The following TTN variants were observed in gnomAD, a reference collection of about 807,000 sequenced individuals.
TTN encodes the protein connectin.
In TTN, 1,525 loss-of-function variants were observed where a neutral mutation model predicts 3,223.0. That is an observed-to-expected ratio of 0.47 (90% CI 0.45 to 0.49). TTN has a LOEUF of 0.49. Among genes scored for constraint, TTN ranks in the 20% least tolerant of loss-of-function variants. The probability of loss-of-function intolerance (pLI) is 0.00; values close to 1 mark genes in which losing one functional copy is unlikely to be tolerated. For missense variants in TTN, 40,786 were observed against 43,424.0 expected (o/e 0.94, Z 5.40); for synonymous variants, 14,094 against 15,161.0 (o/e 0.93, Z 5.17).
chr2:178,735,738 T>C lies in TTN; in HGVS notation c.14708A>G (p.Lys4903Arg). Residue 4903 changes from lysine to arginine, a missense_variant, in exon 50 of 363, where the codon AAG (lysine) becomes AGG (arginine). Physicochemically the swap from Lys to Arg is conservative, Grantham distance 26. Coordinates refer to ENST00000589042, the MANE Select transcript of TTN (RefSeq NM_001267550.2). ...ELEPVQSAINKKVHLECQVDE... is the reference protein window; with the variant it reads ...ELEPVQSAINRKVHLECQVDE... ...TACTTGGCACTCAAGGTGGACCTTC[T>C]TATTGATAGCGGACTGCACAGGCTC... 6.2e-7 allele frequency: 1 copy of C among 1,613,830 alleles called. No individual in the cohort carries two copies. The highest frequency in any genetic ancestry group is 8.5e-7 in the Non-Finnish European group (1 of 1,179,812).
At chr2:178,550,870 T>C in intron 336 of TTN, 97 bp downstream of exon 336, 1 of 1,157,316 alleles carries the variant, frequency 8.6e-7, no homozygotes, top group Admixed American at 2.6e-5. Flanking sequence ...CCTTGGGTAA[T>C]TTGTTTCTGT....
In TTN at chr2:178,584,766, G is replaced by T. The variant is rs907125933; in HGVS notation, c.64875C>A (p.Ile21625=). ...TKTSCRVGKL[I]PGQEYIFRVR... Reference sequence around the variant, plus strand: ...CCCGGAAGATGTACTCCTGGCCTGGGATCAGCTTTCCAACCCTGCAGGAAG... The same window carrying T: ...CCCGGAAGATGTACTCCTGGCCTGGTATCAGCTTTCCAACCCTGCAGGAAG... The change falls in exon 310 of 363, where the codon ATC becomes ATA. Residue 21625 remains isoleucine (I), a synonymous_variant. Coordinates refer to ENST00000589042, the MANE Select transcript of TTN (RefSeq NM_001267550.2). The T allele has an allele frequency of 1.2e-6, 2 of 1,613,464 alleles. No individual in the cohort carries two copies. Among genetic ancestry groups the T allele is most frequent in the Non-Finnish European group, 1.7e-6 (2 of 1,179,560 alleles).
In TTN at chr2:178,549,200, A is replaced by G. The variant is rs976337472; in HGVS notation, c.92426T>C (p.Ile30809Thr). 6.2e-7 allele frequency: 1 copy of G among 1,613,810 alleles called. No individual in the cohort carries two copies. Among genetic ancestry groups the G allele is most frequent in the Non-Finnish European group, 8.5e-7 (1 of 1,179,834 alleles). The part of the protein sequence containing the change: ...NAAGVGPASG[I>T]SRLIKCREPV... The stretch of plus-strand genomic sequence containing the variant: ...CTCTCTACATTTAATGAGTCTTGAG[A>G]TGCCACTTGCAGGTCCAACTCCTGC... Residue 30809 changes from isoleucine (I) to threonine (T), a missense_variant, in exon 339 of 363, where the codon ATC (isoleucine) becomes ACC (threonine). Physicochemically the swap from Ile to Thr is moderately conservative, Grantham distance 89. Coordinates refer to ENST00000589042, the MANE Select transcript of TTN (RefSeq NM_001267550.2).
chr2:178,632,542 G>C lies in TTN; in HGVS notation c.43464C>G (p.Gly14488=). The C allele has an allele frequency of 6.2e-7, 1 of 1,613,176 alleles. No homozygotes were observed. The highest frequency in any genetic ancestry group is 8.5e-7 in the Non-Finnish European group (1 of 1,179,522). ...MFEAEDKHTS[G]KLIIEGIRLK... is the part of the protein sequence containing the mutation. The stretch of plus-strand genomic sequence containing the variant: ...ACTATTTACCTTCAATGATCAGTTT[G>C]CCACTTGTGTGCTTATCTTCAGCTT... The change falls in exon 235 of 363, where the codon GGC becomes GGG. Residue 14488 remains glycine (G), a synonymous_variant. Coordinates refer to ENST00000589042, the MANE Select transcript of TTN (RefSeq NM_001267550.2).
intron 120 of TTN, 54 bp from the exon 121 acceptor site, chr2:178,692,153 A>T: frequency 3.4e-6 from 5 of 1,488,410 alleles, no homozygotes; most frequent in Middle Eastern, 1.7e-4. Flanking sequence ...ACCTTCTGAG[A>T]CATCTAAGAT....
At position 178,527,573 on chromosome 2, in the gene TTN, C is replaced by T; in HGVS notation, c.107553G>A (p.Met35851Ile). Residue 35851 changes from methionine to isoleucine, a missense_variant, in exon 362 of 363, where the codon ATG becomes ATA. Coordinates refer to ENST00000589042, the MANE Select transcript of TTN (RefSeq NM_001267550.2). ...GCATGGAGGACATGCTTTGGGCAGA[C>T]ATGCTTGCAAATTTCATCTCAGTCA... ...SSMTEMKFAS[M>I]SAQSMSSMQE... is the part of the protein sequence containing the mutation. The T allele has an allele frequency of 6.2e-7, 1 of 1,614,016 alleles. No homozygotes were observed. Among genetic ancestry groups the T allele is most frequent in the Non-Finnish European group, 8.5e-7 (1 of 1,179,882 alleles).
In TTN at chr2:178,530,686, C is replaced by G. The variant is rs1553484229; in HGVS notation, c.105929G>C (p.Ser35310Thr). ...IAKLTCVVES[S>T]VLRAKEVTWY... The stretch of plus-strand genomic sequence containing the variant: ...GGTGACCTCTTTTGCCCTTAATACA[C>G]TGCTTTCAACCACACAGGTCAGTTT... The change falls in exon 358 of 363, where the codon AGT (serine) becomes ACT (threonine). Residue 35310 changes from serine (S) to threonine (T), a missense_variant. Transcript: ENST00000589042. 6.2e-7 allele frequency: 1 copy of G among 1,613,970 alleles called. No individual in the cohort carries two copies. Among genetic ancestry groups the G allele is most frequent in the Non-Finnish European group, 8.5e-7 (1 of 1,179,884 alleles).
intron 7 of TTN, 133 bp downstream of exon 7, chr2:178,794,789 C>T (rs1425186245): frequency 1.1e-5 from 14 of 1,259,668 alleles, no homozygotes; most frequent in Non-Finnish European, 1.5e-5. Flanking sequence ...TGAATTTGGT[C>T]TTCAGTTGCT....
rs970090029 is a variant in TTN, at chr2:178,745,448, T to G, written c.11312-3527A>C. 4 of 1,473,712 alleles carry G rather than the reference T, an allele frequency of 2.7e-6. No individual in the cohort carries two copies. The African/African-American group carries it at 4.3e-5, about 16-fold the overall frequency. 91.3% of individuals were successfully genotyped at this position (1,473,712 alleles called of 1,614,324 possible). On this transcript the variant is annotated intron_variant, in intron 47 of 362. Transcript: ENST00000589042. ...AGATGAGATTTCTACATAGAGATTA[T>G]TTCTTTAGGGGTCTCCAAGGTAATG...
Position 178,581,927 on chromosome 2 carries a change from C to T in TTN, c.66442G>A (p.Ala22148Thr), listed in dbSNP as rs794727433. The T allele has an allele frequency of 9.9e-6, 16 of 1,613,054 alleles. No individual in the cohort carries two copies. The East Asian group carries it at 2.0e-4, about 20-fold the overall frequency. The change falls in exon 315 of 363, where the codon GCT becomes ACT. Residue 22148 changes from alanine to threonine, a missense_variant. By Grantham distance (58) the Ala-to-Thr change is moderately conservative. Coordinates refer to ENST00000589042, the MANE Select transcript of TTN (RefSeq NM_001267550.2). The part of the protein sequence containing the change: ...PGKPSDASKA[A>T]YARDPQYPPG... ...TTACACTGAGGGTCCCGAGCATAAGCGGCCTTGGATGCGTCACTGGGTTTG... is the reference window on the plus strand; with the variant it reads ...TTACACTGAGGGTCCCGAGCATAAGTGGCCTTGGATGCGTCACTGGGTTTG...
intron 71 of TTN, 103 bp downstream of exon 71, chr2:178,725,265 A>G (rs1008718612): frequency 1.2e-5 from 15 of 1,250,358 alleles, no homozygotes; most frequent in Non-Finnish European, 1.6e-5. Flanking sequence ...AGATGAGGAT[A>G]AATATAGTTC....
At chr2:178,753,216 T>C in intron 46 of TTN, 36 bp from the exon 47 acceptor site, 1 of 1,490,982 alleles carries the variant, frequency 6.7e-7, no homozygotes. Context: ...ATTTTAGTGA[T>C]TAATTGCATA....
rs2080667352 is a variant in TTN at position 178,732,210 on chromosome 2, T to C, written c.16759A>G (p.Ser5587Gly). The C allele has an allele frequency of 1.2e-6, 2 of 1,613,870 alleles. No homozygotes were observed. The highest frequency in any genetic ancestry group is 1.7e-6 in the Non-Finnish European group (2 of 1,179,806). ...WFANDREIKESSKHRMSFVES... is the reference protein window; with the variant it reads ...WFANDREIKEGSKHRMSFVES... ...ACAAAAGACATTCTGTGTTTGCTGC[T>C]CTCCTTAATTTCTCTATCATTTGCA... Residue 5587 changes from serine (S) to glycine (G), a missense_variant, in exon 57 of 363, where the codon AGC becomes GGC. Ser to Gly is a moderately conservative substitution (Grantham distance 56). Transcript: ENST00000589042.
At chr2:178,593,106 G>A (rs767803184) in intron 299 of TTN, 23 bp from the exon 300 acceptor site, 16 of 1,610,824 alleles carry the variant, frequency 9.9e-6, no homozygotes, top group Admixed American at 1.7e-5. Flanking sequence ...AGTAAAAAAC[G>A]AATTAGCATA....
rs772991524 is a variant in TTN, at chr2:178,592,035, A to G, written c.59869T>C (p.Tyr19957His). The change falls in exon 302 of 363, where the codon TAT (tyrosine) becomes CAT (histidine). Residue 19957 changes from tyrosine to histidine, a missense_variant. Physicochemically the swap from Tyr to His is moderately conservative, Grantham distance 83. Coordinates refer to ENST00000589042, the MANE Select transcript of TTN (RefSeq NM_001267550.2). ...GTTTCAACAAAAGGACCACGTCCAT[A>G]CTGGTTCTCCGCAGCTACTCGGAAG... Reference protein sequence around the residue: ...YLFRVAAENQYGRGPFVETPK... With the variant: ...YLFRVAAENQHGRGPFVETPK... The G allele has an allele frequency of 7.4e-6, 12 of 1,612,998 alleles. No individual in the cohort carries two copies. The South Asian group carries it at 1.2e-4, about 16-fold the overall frequency.
rs2063106941 is a variant in TTN, at chr2:178,652,126, G to A, written c.39265C>T (p.Pro13089Ser). Residue 13089 changes from proline (P) to serine (S), a missense_variant, in exon 204 of 363, where the codon CCT becomes TCT. By Grantham distance (74) the Pro-to-Ser change is moderately conservative (BLOSUM62 -1). Transcript: ENST00000589042. ...VPEKKVPEAI[P>S]PKPESPPPEV... ...GGGGGAGGACTTTCCGGTTTGGGAG[G>A]AATAGCTTCAGGCACCTTCTTTTCT... The A allele has an allele frequency of 2.5e-6, 4 of 1,612,400 alleles. No homozygotes were observed. The highest frequency in any genetic ancestry group is 1.3e-5 in the African/African-American group (1 of 74,850).
At chr2:178,751,123 A>G (rs550120764) in intron 47 of TTN, 2 of 1,612,792 alleles carry the variant, frequency 1.2e-6, no homozygotes, top group East Asian at 2.2e-5. Context: ...CTACCTTATA[A>G]CTTTCAGCTA....
In TTN at chr2:178,684,763, A is replaced by G. The variant is rs770873804; in HGVS notation, c.32555-14T>C. On this transcript the variant is annotated splice_polypyrimidine_tract_variant and intron_variant, in intron 130 of 362. Coordinates refer to ENST00000589042, the MANE Select transcript of TTN (RefSeq NM_001267550.2). ...GCTCTTCTGGCACTTAAAAGATACC[A>G]GGCAATACCATCAAACATACGATAT... 6.2e-7 allele frequency: 1 copy of G among 1,611,242 alleles called. No homozygotes were observed. The highest frequency in any genetic ancestry group is 1.1e-5 in the South Asian group (1 of 90,444).
At position 178,652,708 on chromosome 2, in the gene TTN, A is replaced by G; in HGVS notation, c.38988T>C (p.Pro12996=). The change falls in exon 201 of 363, where the codon CCT becomes CCC. Residue 12996 remains proline, a synonymous_variant. Transcript: ENST00000589042. The part of the protein sequence containing the change: ...KVPEAPKEVV[P]EKKVPSAPPK... The stretch of plus-strand genomic sequence containing the variant: ...GAGGAGCCGAGGGCACTTTCTTTTC[A>G]GGAACAACCTCTTTGGGAGCCTCTG... The G allele has an allele frequency of 6.2e-7, 1 of 1,613,382 alleles. No homozygotes were observed. The highest frequency in any genetic ancestry group is 1.1e-5 in the South Asian group (1 of 91,056).
Sources: allele counts gnomAD v4.1 joint callset, GRCh38; gene constraint gnomAD v4.1.1; transcripts MANE v1.5; gene names NCBI Gene and HGNC (gene_info 2026-07-23, HGNC 2026-07-21).